WDR72: variants seen among roughly 807,000 people sequenced by gnomAD.
WDR72 encodes WD repeat-containing protein 72.
Under a neutral mutation model 124.2 loss-of-function variants are expected in WDR72, and 120 were observed. The ratio of observed to expected loss-of-function variants is 0.97; its 90% CI spans 0.83 to 1.12. WDR72 has a LOEUF of 1.12. WDR72 is among the 50% of genes most tolerant of loss of function. The probability of loss-of-function intolerance (pLI) is 0.00; values close to 1 mark genes in which losing one functional copy is unlikely to be tolerated. For synonymous variants in WDR72, 452 were observed against 441.7 expected (o/e 1.02, Z -0.29); for missense variants, 1,387 against 1,278.8 (o/e 1.08, Z -1.29).
In WDR72 at chr15:53,516,827, A is replaced by T. The variant is rs1480566678; in HGVS notation, c.*872T>A. The T allele has an allele frequency of 6.6e-6, 1 of 152,076 alleles. No individual in the cohort carries two copies. The highest frequency in any genetic ancestry group is 2.4e-5 in the African/African-American group (1 of 41,442). The allele number at this position is 152,076 out of a possible 1,614,324, so 9.4% of individuals were successfully genotyped here. On this transcript the variant is annotated 3_prime_UTR_variant, in exon 20 of 20. Transcript: ENST00000360509. ...ATAAATCATAGTAAATAGATCACCA[A>T]AGGCTTTAATAGAAGAGCACTTTAT...
At chr15:53,566,804 A>T (rs1307838346) in intron 18 of WDR72, among the ~76,000 whole-genome samples, 2 of 151,992 alleles carry the variant, frequency 1.3e-5, no homozygotes, top group Non-Finnish European at 2.9e-5. Context: ...TTTTTTATTT[A>T]TAAGGACTCT....
intron 14 of WDR72, among the ~76,000 whole-genome samples, chr15:53,637,090 A>C (rs969852687): frequency 6.6e-6 from 1 of 152,098 alleles, no homozygotes; most frequent in Non-Finnish European, 1.5e-5. Flanking sequence ...TTATAATAAA[A>C]TCACTCAATA....
intron 2 of WDR72, among the ~76,000 whole-genome samples, chr15:53,728,072 G>A (rs1277152962): frequency 6.6e-6 from 1 of 152,172 alleles, no homozygotes; most frequent in Non-Finnish European, 1.5e-5. Flanking sequence ...TCACACCGCT[G>A]ATAAAGACAT....
intron 18 of WDR72, among the ~76,000 whole-genome samples, chr15:53,548,450 G>A (rs1258818682): frequency 2.6e-5 from 4 of 152,078 alleles, no homozygotes; most frequent in East Asian, 1.9e-4. Flanking sequence ...ACAGAATTTC[G>A]GCTGACTTCA....
chr15:53,662,741 T>C (rs2015648411), intron 14 of WDR72, among the ~76,000 whole-genome samples: 1 of 152,078 alleles, frequency 6.6e-6, no homozygotes, highest in Non-Finnish European at 1.5e-5. Flanking sequence ...ATTTCACACT[T>C]ATCAAATTTG....
At chr15:53,689,727 A>G (rs1181250817) in intron 13 of WDR72, among the ~76,000 whole-genome samples, 4 of 151,882 alleles carry the variant, frequency 2.6e-5, no homozygotes, top group Admixed American at 2.6e-4. Flanking sequence ...TATATACCCA[A>G]AGGACTATGA....
At chr15:53,666,740 T>A (rs1384387545) in intron 13 of WDR72, among the ~76,000 whole-genome samples, 1 of 152,120 alleles carries the variant, frequency 6.6e-6, no homozygotes, top group African/African-American at 2.4e-5. Context: ...AATAAGAAAA[T>A]AGAAATAATA....
chr15:53,544,228 A>G (rs1162043211), intron 18 of WDR72, among the ~76,000 whole-genome samples: 4 of 142,244 alleles, frequency 2.8e-5, no homozygotes, highest in African/African-American at 1.1e-4. Flanking sequence ...TTTTAGACCA[A>G]TATCCTTGAT....
At chr15:53,678,403 A>T (rs1300639474) in intron 13 of WDR72, among the ~76,000 whole-genome samples, 2 of 152,184 alleles carry the variant, frequency 1.3e-5, no homozygotes, top group African/African-American at 4.8e-5. Context: ...ATGGCTACAC[A>T]GGTTCCCTAT....
intron 1 of WDR72, among the ~76,000 whole-genome samples, chr15:53,753,501 G>A (rs1595890415): frequency 6.6e-6 from 1 of 152,202 alleles, no homozygotes; most frequent in South Asian, 2.1e-4. Context: ...GGAAAAAGTG[G>A]TAGAGGAAGT....
At chr15:53,680,552 G>C (rs1284279733) in intron 13 of WDR72, among the ~76,000 whole-genome samples, 1 of 152,194 alleles carries the variant, frequency 6.6e-6, no homozygotes, top group African/African-American at 2.4e-5. Context: ...GGTGACCAAA[G>C]AAAGTTAACC....
intron 1 of WDR72, among the ~76,000 whole-genome samples, chr15:53,754,493 G>C (rs1396699403): frequency 6.6e-6 from 1 of 151,960 alleles, no homozygotes; most frequent in African/African-American, 2.4e-5. Context: ...CGTGGCAAAG[G>C]GGATCCCTCT....
At chr15:53,662,193 C>T (rs1204623187) in intron 14 of WDR72, among the ~76,000 whole-genome samples, 3 of 152,084 alleles carry the variant, frequency 2.0e-5, no homozygotes, top group Middle Eastern at 3.2e-3. Flanking sequence ...AAAGCAGTTC[C>T]CCATCATGAA....
At chr15:53,682,891 A>G (rs1460950975) in intron 13 of WDR72, among the ~76,000 whole-genome samples, 1 of 152,196 alleles carries the variant, frequency 6.6e-6, no homozygotes, top group African/African-American at 2.4e-5. Context: ...CTATAAAGAA[A>G]TAACAGAGAC....
At chr15:53,556,753 C>T (rs1374692107) in intron 18 of WDR72, among the ~76,000 whole-genome samples, 1 of 152,096 alleles carries the variant, frequency 6.6e-6, no homozygotes, top group East Asian at 1.9e-4. Context: ...ATACAGACTG[C>T]TATTATAGGC....
chr15:53,698,675 A>T (rs2140517187), intron 13 of WDR72, among the ~76,000 whole-genome samples: 1 of 152,340 alleles, frequency 6.6e-6, no homozygotes, highest in South Asian at 2.1e-4. Flanking sequence ...TCAAATCAAG[A>T]ATTCTAAAAC....
In WDR72 at chr15:53,546,057, CTG is replaced by C. The variant is rs1893440748; in HGVS notation, c.3149-22737_3149-22736del. Among the ~76,000 whole-genome samples the C allele has an allele frequency of 7.1e-5, 10 of 141,666 alleles. 1 individual carries two copies. The South Asian group carries it at 2.3e-3, about 33-fold the overall frequency. The allele number at this position is 141,666 out of a possible 152,430, so 92.9% of individuals were successfully genotyped here. On this transcript the variant is annotated intron_variant, in intron 18 of 19. Coordinates refer to ENST00000360509, the MANE Select transcript of WDR72 (RefSeq NM_182758.4). ...GTGGAGAAATAGGAACACTTTTACA[CTG>C]TTGGTGGGACTGTAAACTACTTCAA...
intron 1 of WDR72, among the ~76,000 whole-genome samples, chr15:53,755,774 C>T (rs1417096646): frequency 6.6e-6 from 1 of 152,196 alleles, no homozygotes; most frequent in Non-Finnish European, 1.5e-5. Flanking sequence ...AGAGGCTGCA[C>T]TTAACCCTGC....
At chr15:53,706,598 A>G (rs1401615587) in intron 9 of WDR72, among the ~76,000 whole-genome samples, 1 of 151,620 alleles carries the variant, frequency 6.6e-6, no homozygotes, top group Non-Finnish European at 1.5e-5. Flanking sequence ...CCATGTCTTG[A>G]TGCTAAAGAT....
Sources: allele counts gnomAD v4.1 joint callset (sites outside exome capture counted in the v4.1 genomes callset), GRCh38; gene constraint gnomAD v4.1.1; transcripts MANE v1.5; gene names NCBI Gene and HGNC (gene_info 2026-07-23, HGNC 2026-07-21).